Variants in CNTNAP2 observed in about 807,000 individuals in gnomAD.
The protein encoded by CNTNAP2 is contactin-associated protein-like 2.
In CNTNAP2, 98 loss-of-function variants were observed where a neutral mutation model predicts 155.2. The ratio of observed to expected loss-of-function variants is 0.63; its 90% CI spans 0.54 to 0.75. CNTNAP2 has a LOEUF of 0.75. CNTNAP2 is among the 30% of genes least tolerant of loss of function. The pLI, the probability that CNTNAP2 is intolerant of heterozygous loss-of-function variation, is 0.00. For synonymous variants in CNTNAP2, 651 were observed against 631.2 expected (o/e 1.03, Z -0.47); for missense variants, 1,727 against 1,688.1 (o/e 1.02, Z -0.40).
intron 8 of CNTNAP2, among the ~76,000 whole-genome samples, chr7:147,284,304 G>T (rs1805127521): frequency 6.6e-6 from 1 of 151,564 alleles, no homozygotes; most frequent in African/African-American, 2.4e-5. Context: ...GTTCATTTTA[G>T]TGATAAAAAT....
chr7:146,152,258 C>T (rs115609044), intron 1 of CNTNAP2, among the ~76,000 whole-genome samples: 1 of 151,722 alleles, frequency 6.6e-6, no homozygotes, highest in Non-Finnish European at 1.5e-5. Context: ...TGAAATAAGC[C>T]AGACATAGAA....
chr7:147,216,901 A>G (rs1803280477), intron 8 of CNTNAP2, among the ~76,000 whole-genome samples: 1 of 151,974 alleles, frequency 6.6e-6, no homozygotes, highest in Non-Finnish European at 1.5e-5. Context: ...TGTAATTCTG[A>G]TGGATTTTTC....
intron 11 of CNTNAP2, among the ~76,000 whole-genome samples, chr7:147,540,629 G>A (rs1410587809): frequency 3.9e-5 from 6 of 152,094 alleles, no homozygotes; most frequent in East Asian, 1.9e-4. Context: ...TCAGGAGATC[G>A]AGAGCATCCT....
intron 18 of CNTNAP2, among the ~76,000 whole-genome samples, chr7:148,214,490 T>C (rs1795603305): frequency 6.6e-6 from 1 of 152,266 alleles, no homozygotes; most frequent in African/African-American, 2.4e-5. Context: ...GCAATGAGCA[T>C]GGATTAAGTA....
At chr7:147,068,480 TC>T (rs1388246510) in intron 4 of CNTNAP2, among the ~76,000 whole-genome samples, 1 of 152,086 alleles carries the variant, frequency 6.6e-6, no homozygotes, top group Admixed American at 6.5e-5. Flanking sequence ...TGCCTCCACC[TC>T]CCAAGCAGCT....
At chr7:146,463,113 G>A (rs1452509917) in intron 1 of CNTNAP2, among the ~76,000 whole-genome samples, 2 of 152,018 alleles carry the variant, frequency 1.3e-5, no homozygotes, top group African/African-American at 4.8e-5. Context: ...GAAATAGAGG[G>A]AGGAAAATAA....
At chr7:146,418,542 C>T (rs1795968289) in intron 1 of CNTNAP2, among the ~76,000 whole-genome samples, 1 of 152,026 alleles carries the variant, frequency 6.6e-6, no homozygotes, top group Non-Finnish European at 1.5e-5. Flanking sequence ...ATACAAAGTT[C>T]TGCAACTTTT....
At chr7:147,175,459 A>G (rs974169548) in intron 8 of CNTNAP2, among the ~76,000 whole-genome samples, 1 of 152,176 alleles carries the variant, frequency 6.6e-6, no homozygotes, top group Non-Finnish European at 1.5e-5. Context: ...GTTTCAAACT[A>G]TATGTACATT....
Position 148,127,574 on chromosome 7 carries a change from T to C in CNTNAP2, c.2554+9286T>C, listed in dbSNP as rs188152655. 7.9e-5 allele frequency among the ~76,000 whole-genome samples: 12 copies of C among 152,342 alleles called. No individual in the cohort carries two copies. In the East Asian group the frequency reaches 2.1e-3, roughly 27 times the overall value. On this transcript the variant is annotated intron_variant, in intron 16 of 23. Transcript: ENST00000361727. ...GAAATAATATGAGGAAAAACTTTCA[T>C]GTTCAAGATGCAGCCTTATGCAATA...
At chr7:147,654,246 A>AGGTAGAT (rs1203562882) in intron 13 of CNTNAP2, among the ~76,000 whole-genome samples, 1 of 152,232 alleles carries the variant, frequency 6.6e-6, no homozygotes. Context: ...GATGGCCAAA[A>AGGTAGAT]GGTAGATTAA....
rs1018543713 is a variant in CNTNAP2 at position 147,442,753 on chromosome 7, G to A, written c.1671-43182G>A. Among the ~76,000 whole-genome samples the A allele has an allele frequency of 5.3e-5, 8 of 152,164 alleles. No homozygotes were observed. The East Asian group carries it at 1.2e-3, about 22-fold the overall frequency. Reference sequence around the variant, plus strand: ...CTGTCAGGACTGGGTCATTTCCTTCGAATGAGAAGGTTGCTCTCTGGCCCA... The same window carrying A: ...CTGTCAGGACTGGGTCATTTCCTTCAAATGAGAAGGTTGCTCTCTGGCCCA... On this transcript the variant is annotated intron_variant, in intron 10 of 23. Coordinates refer to ENST00000361727, the MANE Select transcript of CNTNAP2 (RefSeq NM_014141.6).
chr7:146,945,638 T>C (rs1340691070), intron 3 of CNTNAP2, among the ~76,000 whole-genome samples: 1 of 152,116 alleles, frequency 6.6e-6, no homozygotes, highest in Non-Finnish European at 1.5e-5. Context: ...TTCATAGAAT[T>C]AGGAAAGATA....
chr7:147,421,852 C>T (rs1563198480), intron 10 of CNTNAP2, among the ~76,000 whole-genome samples: 1 of 151,976 alleles, frequency 6.6e-6, no homozygotes, highest in Non-Finnish European at 1.5e-5. Flanking sequence ...ACTGCCCCCT[C>T]AACTCTCTCT....
At position 146,802,082 on chromosome 7, in the gene CNTNAP2, A is replaced by G. The variant is rs564742534; in HGVS notation, c.208+27701A>G. ...TTCTGTTGCTGGATAAAAAATTACC[A>G]TAAATTCAGCAGCTTAAAACAACAC... On this transcript the variant is annotated intron_variant, in intron 2 of 23. Transcript: ENST00000361727. Among the ~76,000 whole-genome samples the G allele has an allele frequency of 3.9e-5, 6 of 152,324 alleles. No homozygotes were observed. In the South Asian group the frequency reaches 1.2e-3, roughly 32 times the overall value.
At chr7:147,319,540 G>A (rs1795305713) in intron 9 of CNTNAP2, among the ~76,000 whole-genome samples, 1 of 152,016 alleles carries the variant, frequency 6.6e-6, no homozygotes, top group African/African-American at 2.4e-5. Context: ...ACCATGCCCA[G>A]TTAATTTTTG....
intron 4 of CNTNAP2, among the ~76,000 whole-genome samples, chr7:147,101,969 C>T (rs1800666669): frequency 6.6e-6 from 1 of 152,012 alleles, no homozygotes; most frequent in South Asian, 2.1e-4. Context: ...GGAGCCTTTG[C>T]CGGGGAACCA....
chr7:147,353,303 C>G (rs951538169), intron 9 of CNTNAP2, among the ~76,000 whole-genome samples: 1 of 151,922 alleles, frequency 6.6e-6, no homozygotes, highest in African/African-American at 2.4e-5. Flanking sequence ...CCCCTTTCCC[C>G]TACTCCCCGA....
chr7:147,742,289 A>G (rs533595627), intron 13 of CNTNAP2, among the ~76,000 whole-genome samples: 4 of 152,330 alleles, frequency 2.6e-5, no homozygotes, highest in African/African-American at 7.2e-5. Flanking sequence ...CTCATGATAG[A>G]TGTTTGAAAA....
intron 14 of CNTNAP2, among the ~76,000 whole-genome samples, chr7:147,968,936 T>C (rs888165493): frequency 5.3e-5 from 8 of 152,234 alleles, no homozygotes; most frequent in African/African-American, 1.4e-4. Flanking sequence ...ATTGGCTTTA[T>C]AGGCAGAAAA....
Sources: allele counts gnomAD v4.1 joint callset (sites outside exome capture counted in the v4.1 genomes callset), GRCh38; gene constraint gnomAD v4.1.1; transcripts MANE v1.5; gene names NCBI Gene and HGNC (gene_info 2026-07-23, HGNC 2026-07-21).